ASTN2: variants seen among roughly 807,000 people sequenced by gnomAD.
ASTN2 encodes the protein astrotactin 2, also known as astrotactin-2.
A neutral mutation model predicts 139.8 loss-of-function variants in ASTN2; 54 were observed. That is an observed-to-expected ratio of 0.39 (90% CI 0.31 to 0.48). ASTN2 has a LOEUF of 0.48. Ranked by LOEUF, ASTN2 falls within the 20% of genes least tolerant of loss-of-function variation. ASTN2 has a pLI of 0.95. For synonymous variants in ASTN2, 756 were observed against 719.5 expected (o/e 1.05, Z -0.81); for missense variants, 1,565 against 1,725.1 (o/e 0.91, Z 1.64).
At chr9:116,953,143 A>G (rs1220004028) in intron 10 of ASTN2, among the ~76,000 whole-genome samples, 1 of 152,176 alleles carries the variant, frequency 6.6e-6, no homozygotes, top group African/African-American at 2.4e-5. Context: ...GAGGCAAATA[A>G]CAGCATTTAT....
intron 10 of ASTN2, among the ~76,000 whole-genome samples, chr9:116,884,513 CTTCTT>C: frequency 6.6e-6 from 1 of 152,156 alleles, no homozygotes; most frequent in East Asian, 2.0e-4. Context: ...GTGTTAATCT[CTTCTT>C]TTAGGAATAC....
At chr9:116,704,278 A>C (rs767004812) in intron 16 of ASTN2, among the ~76,000 whole-genome samples, 1 of 152,172 alleles carries the variant, frequency 6.6e-6, no homozygotes. Context: ...AGTTCCCCCC[A>C]ATGTTTTTGC....
chr9:116,478,568 G>T (rs1387240065), intron 20 of ASTN2, among the ~76,000 whole-genome samples: 1 of 152,086 alleles, frequency 6.6e-6, no homozygotes, highest in Non-Finnish European at 1.5e-5. Flanking sequence ...GAGCAGGTTG[G>T]GTCACTGATG....
At chr9:116,955,619 C>T (rs1243382720) in intron 10 of ASTN2, among the ~76,000 whole-genome samples, 1 of 152,152 alleles carries the variant, frequency 6.6e-6, no homozygotes, top group Non-Finnish European at 1.5e-5. Flanking sequence ...TGAGGCCCTG[C>T]TAGAAGTGGA....
At chr9:116,484,228 T>A (rs1290823013) in intron 20 of ASTN2, among the ~76,000 whole-genome samples, 1 of 152,214 alleles carries the variant, frequency 6.6e-6, no homozygotes, top group African/African-American at 2.4e-5. Context: ...GCTGCCTATA[T>A]GCCAATAATT....
chr9:116,521,391 T>G (rs927379904), intron 19 of ASTN2, among the ~76,000 whole-genome samples: 12 of 151,858 alleles, frequency 7.9e-5, no homozygotes, highest in Non-Finnish European at 5.9e-5. Context: ...AAACATAAAG[T>G]GGGAAAAGGA....
chr9:116,467,575 C>T (rs966040032), intron 20 of ASTN2, among the ~76,000 whole-genome samples: 1 of 152,216 alleles, frequency 6.6e-6, no homozygotes, highest in Non-Finnish European at 1.5e-5. Context: ...GAGACAGAAT[C>T]TTACGACGTC....
At chr9:117,096,863 G>C (rs1484393003) in intron 4 of ASTN2, among the ~76,000 whole-genome samples, 2 of 152,190 alleles carry the variant, frequency 1.3e-5, no homozygotes, top group Admixed American at 6.5e-5. Context: ...ACTTCCAGCA[G>C]AGGTACCAGC....
At chr9:116,565,257 C>CACAT (rs1050436372) in intron 19 of ASTN2, among the ~76,000 whole-genome samples, 17 of 126,740 alleles carry the variant, frequency 1.3e-4, no homozygotes, top group African/African-American at 5.9e-4. Flanking sequence ...CACACACACA[C>CACAT]ATATGCCCCA....
Position 116,699,820 on chromosome 9 carries a change from AG to A in ASTN2, c.2806+25950del. The A allele has an allele frequency of 6.9e-7, 1 of 1,442,042 alleles. No homozygotes were observed. 89.3% of individuals were successfully genotyped at this position (1,442,042 alleles called of 1,614,324 possible). ...GCCTATGTCCTGATTCCAGCTGGGT[AG>A]TTCTAGAACTTCAGAAGCTCCATCT... On this transcript the variant is annotated intron_variant, in intron 16 of 22. Coordinates refer to ENST00000313400, the MANE Select transcript of ASTN2 (RefSeq NM_001365068.1). The surrounding 1 kb of genome is among the most constrained non-coding windows in gnomAD (Gnocchi z 4.2).
chr9:117,068,638 TG>T (rs1828020628), intron 5 of ASTN2, among the ~76,000 whole-genome samples: 1 of 103,068 alleles, frequency 9.7e-6, no homozygotes, highest in Non-Finnish European at 2.0e-5. Context: ...CATCTGGTCC[TG>T]GACTCTTTTT....
At chr9:117,160,517 GCTT>G (rs1253819736) in intron 3 of ASTN2, among the ~76,000 whole-genome samples, 22 of 151,932 alleles carry the variant, frequency 1.4e-4, no homozygotes, top group Non-Finnish European at 2.9e-4. Context: ...GAAATGGAAT[GCTT>G]CTTTGTATGC....
intron 4 of ASTN2, among the ~76,000 whole-genome samples, chr9:117,100,677 G>A (rs896838841): frequency 2.6e-5 from 4 of 152,172 alleles, no homozygotes; most frequent in Admixed American, 2.0e-4. Flanking sequence ...TAAGGGCAAG[G>A]ATCTGAGTAC....
At chr9:116,428,518 C>G (rs1384301403) in intron 22 of ASTN2, among the ~76,000 whole-genome samples, 1 of 148,862 alleles carries the variant, frequency 6.7e-6, no homozygotes, top group Non-Finnish European at 1.5e-5. Context: ...GAGCAAAACT[C>G]CACCTCAAAA....
chr9:116,517,236 A>G (rs1850688014), intron 19 of ASTN2, among the ~76,000 whole-genome samples: 1 of 152,108 alleles, frequency 6.6e-6, no homozygotes, highest in South Asian at 2.1e-4. Flanking sequence ...CAAAAACACA[A>G]CTGAGGACCA....
At chr9:116,629,091 C>T (rs1463320208) in intron 17 of ASTN2, among the ~76,000 whole-genome samples, 1 of 149,528 alleles carries the variant, frequency 6.7e-6, no homozygotes. Flanking sequence ...GAGGCAGCAG[C>T]TTTTACTGTT....
At chr9:117,213,354 C>T (rs1191835325) in intron 3 of ASTN2, among the ~76,000 whole-genome samples, 2 of 152,094 alleles carry the variant, frequency 1.3e-5, no homozygotes, top group African/African-American at 4.8e-5. Flanking sequence ...AATAAAATTA[C>T]AGCTAGATAG....
At chr9:116,803,481 A>AAAATAT (rs1830924635) in intron 13 of ASTN2, among the ~76,000 whole-genome samples, 1 of 80,110 alleles carries the variant, frequency 1.2e-5, no homozygotes, top group Non-Finnish European at 2.6e-5. Context: ...AAGTTCGAAT[A>AAAATAT]ATATATATAT....
At chr9:116,707,728 C>T (rs908028136) in intron 16 of ASTN2, among the ~76,000 whole-genome samples, 2 of 152,118 alleles carry the variant, frequency 1.3e-5, no homozygotes, top group African/African-American at 2.4e-5. Flanking sequence ...ACCTAGGTTC[C>T]GAATTAACTT....
Sources: gnomAD v4.1 joint callset for allele counts (sites outside exome capture counted in the v4.1 genomes callset) on GRCh38, gnomAD v4.1.1 for gene constraint, Gnocchi (gnomAD v3.1) non-coding constraint, MANE v1.5 for transcripts, NCBI Gene and HGNC (gene_info 2026-07-23, HGNC 2026-07-21) for gene names.